The following PDE1C variants were observed in gnomAD, a reference collection of about 807,000 sequenced individuals.
The protein encoded by PDE1C is dual specificity calcium/calmodulin-dependent 3',5'-cyclic nucleotide phosphodiesterase 1C.
PDE1C carries 62 observed loss-of-function variants against 93.1 expected under a neutral mutation model. That is an observed-to-expected ratio of 0.67 (90% CI 0.54 to 0.82). The LOEUF (loss-of-function observed/expected upper bound fraction) is 0.82. Among genes scored for constraint, PDE1C ranks in the 40% least tolerant of loss-of-function variants. The pLI, the probability that PDE1C is intolerant of heterozygous loss-of-function variation, is 0.00. For synonymous variants in PDE1C, 325 were observed against 310.1 expected, an observed-to-expected ratio of 1.05 and a Z score of -0.50; for missense variants, 742 against 884.6, an observed-to-expected ratio of 0.84 and a Z score of 2.04.
chr7:32,104,131 C>T (rs1798174686), intron 3 of PDE1C, among the ~76,000 whole-genome samples: 1 of 152,126 alleles, frequency 6.6e-6, no homozygotes, highest in Admixed American at 6.5e-5. Flanking sequence ...AGGAATAGTG[C>T]AGTAACATTT....
intron 2 of PDE1C, among the ~76,000 whole-genome samples, chr7:32,196,372 T>C (rs1211522819): frequency 6.6e-6 from 1 of 152,176 alleles, no homozygotes; most frequent in Non-Finnish European, 1.5e-5. Context: ...AGTAGAGTTA[T>C]GTTAGGGCTC....
chr7:31,627,271 A>G, the PDE1C span, among the ~76,000 whole-genome samples: 1 of 152,208 alleles, frequency 6.6e-6, no homozygotes, highest in African/African-American at 2.4e-5. Flanking sequence ...TTTTATCAAA[A>G]TTTAAAATGG....
At chr7:32,206,404 T>A (rs6462342) in intron 2 of PDE1C, among the ~76,000 whole-genome samples, 150,472 of 152,240 alleles carry the variant, frequency 0.99, 74,376 homozygotes, top group Middle Eastern at 1. Flanking sequence ...AGACCGACAG[T>A]TGCATAAAAC....
At chr7:31,814,469 T>C (rs1479463598) in intron 15 of PDE1C, among the ~76,000 whole-genome samples, 1 of 151,996 alleles carries the variant, frequency 6.6e-6, no homozygotes, top group South Asian at 2.1e-4. Context: ...TCCTGGAATA[T>C]GATATAAGCT....
chr7:32,280,438 G>C (rs939593924), intron 1 of PDE1C, among the ~76,000 whole-genome samples: 2 of 152,028 alleles, frequency 1.3e-5, no homozygotes, highest in African/African-American at 2.4e-5. Context: ...TAGAGAAAAA[G>C]CTAAATAATT....
intron 1 of PDE1C, among the ~76,000 whole-genome samples, chr7:32,259,451 G>T (rs1029055954): frequency 6.6e-6 from 1 of 152,110 alleles, no homozygotes; most frequent in Non-Finnish European, 1.5e-5. Context: ...AGAAGGTGGG[G>T]CAACTGGATT....
At chr7:31,769,473 C>T (rs1299498393) in intron 17 of PDE1C, among the ~76,000 whole-genome samples, 1 of 152,174 alleles carries the variant, frequency 6.6e-6, no homozygotes, top group African/African-American at 2.4e-5. Flanking sequence ...TCTTTCTTTA[C>T]TTCTGGGAAA....
At chr7:31,897,852 G>T (rs1799498540) in intron 2 of PDE1C, among the ~76,000 whole-genome samples, 1 of 151,954 alleles carries the variant, frequency 6.6e-6, no homozygotes, top group African/African-American at 2.4e-5. Flanking sequence ...AAACCAATGG[G>T]TTTTTTTAAA....
chr7:31,722,140 C>T, the PDE1C span, among the ~76,000 whole-genome samples: 2 of 152,050 alleles, frequency 1.3e-5, no homozygotes, highest in African/African-American at 4.8e-5. Flanking sequence ...CTCATCTCCT[C>T]CCAATGTGCT....
chr7:32,082,408 C>A (rs1796743710), intron 3 of PDE1C, among the ~76,000 whole-genome samples: 1 of 152,244 alleles, frequency 6.6e-6, no homozygotes, highest in Admixed American at 6.5e-5. Flanking sequence ...GCCTGCCTGC[C>A]TCTGTAGGCT....
intron 1 of PDE1C, among the ~76,000 whole-genome samples, chr7:32,312,271 G>C (rs1486972931): frequency 2.6e-5 from 4 of 152,034 alleles, no homozygotes; most frequent in Non-Finnish European, 5.9e-5. Context: ...CAAACAAATG[G>C]AAGAACATTC....
intron 3 of PDE1C, among the ~76,000 whole-genome samples, chr7:32,114,397 G>T (rs1174226066): frequency 6.6e-6 from 1 of 152,010 alleles, no homozygotes; most frequent in Admixed American, 6.6e-5. Flanking sequence ...AATAAGTGGT[G>T]CTAGGAAAAC....
chr7:32,243,998 C>T (rs961905479), intron 1 of PDE1C, among the ~76,000 whole-genome samples: 4 of 152,270 alleles, frequency 2.6e-5, no homozygotes, highest in East Asian at 1.9e-4. Flanking sequence ...CTATGAGATA[C>T]GCTTCCTCTA....
intron 16 of PDE1C, among the ~76,000 whole-genome samples, chr7:31,801,129 G>A (rs1477049762): frequency 6.7e-6 from 1 of 150,206 alleles, no homozygotes; most frequent in Non-Finnish European, 1.5e-5. Flanking sequence ...CAGAAGAAAG[G>A]AAATAATAAA....
At chr7:31,781,258 G>C (rs1035955254) in intron 16 of PDE1C, among the ~76,000 whole-genome samples, 2 of 152,208 alleles carry the variant, frequency 1.3e-5, no homozygotes, top group African/African-American at 4.8e-5. Flanking sequence ...GCCTGGCCAA[G>C]CCTATGCCTG....
intron 3 of PDE1C, among the ~76,000 whole-genome samples, chr7:32,084,157 A>C (rs1351326119): frequency 1.3e-5 from 2 of 152,074 alleles, no homozygotes; most frequent in Non-Finnish European, 2.9e-5. Flanking sequence ...ATGGAGGAAG[A>C]TCTACCAAGC....
the PDE1C span, among the ~76,000 whole-genome samples, chr7:31,625,124 C>T: frequency 6.6e-6 from 1 of 152,092 alleles, no homozygotes; most frequent in African/African-American, 2.4e-5. Flanking sequence ...CGGGAAACAA[C>T]AGGTGCTGGA....
At chr7:31,867,634 T>A (rs1795460827) in intron 6 of PDE1C, among the ~76,000 whole-genome samples, 1 of 152,160 alleles carries the variant, frequency 6.6e-6, no homozygotes, top group Non-Finnish European at 1.5e-5. Context: ...CCAATGCTCA[T>A]GCCATGCCTA....
intron 2 of PDE1C, among the ~76,000 whole-genome samples, chr7:32,041,620 A>G (rs1167907776): frequency 6.6e-6 from 1 of 152,134 alleles, no homozygotes; most frequent in African/African-American, 2.4e-5. Context: ...TTTGTTATTT[A>G]CTTTTTTTAT....
Sources: gnomAD v4.1 joint callset for allele counts (sites outside exome capture counted in the v4.1 genomes callset) on GRCh38, gnomAD v4.1.1 for gene constraint, MANE v1.5 for transcripts, NCBI Gene and HGNC (gene_info 2026-07-23, HGNC 2026-07-21) for gene names.